Variants in SORCS3 observed in about 807,000 individuals in gnomAD.
The protein encoded by SORCS3 is VPS10 domain-containing receptor SorCS3.
In SORCS3, 57 loss-of-function variants were observed where a neutral mutation model predicts 146.3. The observed-to-expected ratio is 0.39, with a 90% CI of 0.31 to 0.49. The LOEUF is 0.49. SORCS3 is among the 20% of genes least tolerant of loss of function. The pLI is 0.92. For missense variants in SORCS3, 1,341 were observed against 1,575.5 expected (o/e 0.85, Z 2.52); for synonymous variants, 653 against 618.5 (o/e 1.06, Z -0.83).
At chr10:104,828,757 AATG>A (rs940950404) in intron 1 of SORCS3, among the ~76,000 whole-genome samples, 2 of 152,190 alleles carry the variant, frequency 1.3e-5, no homozygotes, top group Non-Finnish European at 2.9e-5. Flanking sequence ...GCCCTTAGAG[AATG>A]ATAACTCTTT....
intron 22 of SORCS3, among the ~76,000 whole-genome samples, chr10:105,252,535 A>G (rs190496021): frequency 1.4e-4 from 21 of 152,366 alleles, no homozygotes; most frequent in Admixed American, 1.4e-3. Context: ...TTGTAATACC[A>G]TTCTAGTTTC....
At position 105,255,703 on chromosome 10, in the gene SORCS3, T is replaced by C. The variant is rs755382343; in HGVS notation, c.3239T>C (p.Ile1080Thr). The C allele has an allele frequency of 6.2e-7, 1 of 1,611,240 alleles. No individual in the cohort carries two copies. The highest frequency in any genetic ancestry group is 8.5e-7 in the Non-Finnish European group (1 of 1,177,706). Residue 1080 changes from isoleucine (I) to threonine (T), a missense_variant and splice_region_variant, in exon 24 of 27, where the codon ATT (isoleucine) becomes ACT (threonine). Coordinates refer to ENST00000369701, the MANE Select transcript of SORCS3 (RefSeq NM_014978.3). ...ATGCATCCTGTCTTATTTTTTCAGA[T>C]TGTAGAAACACTGTTTAATGCTCTC... ...RKGNEGDLEQ[I>T]VETLFNALNQ...
At chr10:105,225,126 C>A (rs541209572) in intron 20 of SORCS3, among the ~76,000 whole-genome samples, 10 of 152,060 alleles carry the variant, frequency 6.6e-5, no homozygotes, top group African/African-American at 2.2e-4. Context: ...TGAATCATGC[C>A]ATTGGTGTTG....
chr10:104,656,435 T>C (rs2015631579), intron 1 of SORCS3, among the ~76,000 whole-genome samples: 2 of 151,730 alleles, frequency 1.3e-5, no homozygotes, highest in Non-Finnish European at 2.9e-5. Context: ...GGAAGGGAGA[T>C]CCCCTGAGCC....
intron 1 of SORCS3, among the ~76,000 whole-genome samples, chr10:104,695,727 T>C (rs2016166348): frequency 6.6e-6 from 1 of 151,324 alleles, no homozygotes; most frequent in African/African-American, 2.4e-5. Context: ...TGTAATTTGC[T>C]TTTTTTTCCA....
chr10:104,859,089 A>G (rs1021352596), intron 2 of SORCS3, among the ~76,000 whole-genome samples: 1 of 152,064 alleles, frequency 6.6e-6, no homozygotes, highest in East Asian at 1.9e-4. Flanking sequence ...ACATGCATTT[A>G]CATGCTTTAG....
intron 4 of SORCS3, among the ~76,000 whole-genome samples, chr10:105,008,165 AT>A (rs1313487537): frequency 6.6e-6 from 1 of 152,166 alleles, no homozygotes; most frequent in African/African-American, 2.4e-5. Flanking sequence ...TGCTGCAGAC[AT>A]ATCTCCATCT....
chr10:104,919,187 T>C (rs979025366), intron 3 of SORCS3, among the ~76,000 whole-genome samples: 5 of 152,156 alleles, frequency 3.3e-5, no homozygotes, highest in African/African-American at 1.2e-4. Context: ...CAGGAGCCAT[T>C]TCTCACAGAA....
intron 1 of SORCS3, among the ~76,000 whole-genome samples, chr10:104,793,060 T>C (rs751593683): frequency 3.9e-5 from 6 of 152,190 alleles, no homozygotes; most frequent in African/African-American, 1.4e-4. Flanking sequence ...GGATAAGCAT[T>C]GTTATCTCAA....
intron 5 of SORCS3, among the ~76,000 whole-genome samples, chr10:105,046,946 G>A (rs943347632): frequency 6.6e-6 from 1 of 152,078 alleles, no homozygotes; most frequent in African/African-American, 2.4e-5. Flanking sequence ...GCAGATAAAT[G>A]GAGTAAGTGT....
intron 4 of SORCS3, among the ~76,000 whole-genome samples, chr10:104,977,924 G>C (rs890536605): frequency 2.0e-5 from 3 of 151,644 alleles, no homozygotes; most frequent in Non-Finnish European, 4.4e-5. Context: ...TAGAGACGGG[G>C]TTTCACCAAG....
intron 1 of SORCS3, among the ~76,000 whole-genome samples, chr10:104,807,000 T>G (rs1049744225): frequency 6.6e-6 from 1 of 152,132 alleles, no homozygotes; most frequent in Non-Finnish European, 1.5e-5. Context: ...GGGGAATTTT[T>G]GGGAAGAACC....
intron 14 of SORCS3, among the ~76,000 whole-genome samples, chr10:105,194,237 G>A (rs1168356586): frequency 6.6e-6 from 1 of 152,146 alleles, no homozygotes; most frequent in Admixed American, 6.6e-5. Context: ...CCCAGCATAT[G>A]AAGTTAGTAC....
intron 1 of SORCS3, among the ~76,000 whole-genome samples, chr10:104,676,047 G>T (rs1374438710): frequency 1.3e-5 from 2 of 152,038 alleles, no homozygotes. Flanking sequence ...TATTCCCAGG[G>T]ATCTGATGCT....
chr10:105,151,631 C>T (rs2056168264), intron 9 of SORCS3, among the ~76,000 whole-genome samples: 2 of 152,086 alleles, frequency 1.3e-5, no homozygotes, highest in African/African-American at 2.4e-5. Context: ...GGAGAGGAGA[C>T]AAAGAAAGCA....
At chr10:105,114,717 G>A (rs1053986916) in intron 7 of SORCS3, among the ~76,000 whole-genome samples, 7 of 151,826 alleles carry the variant, frequency 4.6e-5, no homozygotes, top group Admixed American at 1.3e-4. Flanking sequence ...GATGCCAAGC[G>A]GACAGGTAAC....
chr10:105,023,792 C>T (rs370705632), intron 4 of SORCS3, among the ~76,000 whole-genome samples: 1 of 151,766 alleles, frequency 6.6e-6, no homozygotes, highest in East Asian at 1.9e-4. Context: ...CAGTCCAAGG[C>T]GTCTCTGTGG....
intron 13 of SORCS3, among the ~76,000 whole-genome samples, chr10:105,174,563 C>T (rs1033549180): frequency 8.5e-5 from 13 of 152,078 alleles, no homozygotes; most frequent in African/African-American, 7.2e-5. Flanking sequence ...TTTTATTCTT[C>T]ATAACTGCCT....
intron 9 of SORCS3, among the ~76,000 whole-genome samples, chr10:105,150,440 G>A (rs1358115883): frequency 6.6e-6 from 1 of 152,140 alleles, no homozygotes; most frequent in Non-Finnish European, 1.5e-5. Flanking sequence ...AGGGGTATGG[G>A]GATGAGCTGT....
Sources: allele counts gnomAD v4.1 joint callset (sites outside exome capture counted in the v4.1 genomes callset), GRCh38; gene constraint gnomAD v4.1.1; transcripts MANE v1.5; gene names NCBI Gene and HGNC (gene_info 2026-07-23, HGNC 2026-07-21).